The following PXMP4 variants were observed in gnomAD, a reference collection of about 807,000 sequenced individuals.
PXMP4 encodes 24 kDa peroxisomal intrinsic membrane protein.
In PXMP4, 16 loss-of-function variants were observed where a neutral mutation model predicts 21.6. That is an observed-to-expected ratio of 0.74 (90% CI 0.50 to 1.13). The LOEUF is 1.13. Ranked by LOEUF, PXMP4 falls within the 50% of genes most tolerant of loss-of-function variation. The pLI is 0.00. For missense variants in PXMP4, 240 were observed against 277.7 expected, an observed-to-expected ratio of 0.86 and a Z score of 0.96; for synonymous variants, 127 against 123.8, an observed-to-expected ratio of 1.03 and a Z score of -0.17.
At chr20:33,712,272 T>C (rs1055306869) in intron 2 of PXMP4, among the ~76,000 whole-genome samples, 5 of 152,158 alleles carry the variant, frequency 3.3e-5, no homozygotes, top group Admixed American at 1.3e-4. Flanking sequence ...TAACCCTGCC[T>C]TCAAAATGTG....
In PXMP4 at chr20:33,706,515, G is replaced by T. The variant is rs892335719; in HGVS notation, c.*1191C>A. 6.6e-6 allele frequency: 1 copy of T among 152,108 alleles called. No homozygotes were observed. The highest frequency in any genetic ancestry group is 1.5e-5 in the Non-Finnish European group (1 of 68,026). The allele number at this position is 152,108 out of a possible 1,614,324, so 9.4% of individuals were successfully genotyped here. ...AATGAAAGTAATTAGTAGCACATCA[G>T]TGGTAGTTGCACAAGTCCAGTGAGG... On this transcript the variant is annotated 3_prime_UTR_variant, in exon 4 of 4. Transcript: ENST00000409299.
intron 3 of PXMP4, among the ~76,000 whole-genome samples, chr20:33,709,335 T>C (rs567224402): frequency 6.6e-6 from 1 of 152,198 alleles, no homozygotes; most frequent in African/African-American, 2.4e-5. Context: ...GACTAGCTTT[T>C]AGTCTCTTAT....
rs764279084 is a variant in PXMP4 at position 33,710,644 on chromosome 20, G to C, written c.286C>G (p.Gln96Glu). 1.7e-5 allele frequency: 27 copies of C among 1,613,896 alleles called. No individual in the cohort carries two copies. Among genetic ancestry groups the C allele is most frequent in the Non-Finnish European group, 2.1e-5 (25 of 1,179,972 alleles). Residue 96 changes from glutamine (Q) to glutamate (E), a missense_variant, in exon 3 of 4, where the codon CAA becomes GAA. Physicochemically the swap from Gln to Glu is conservative, Grantham distance 29. Transcript: ENST00000409299. ...GCGTGTGCTGGGTAGGTCTTGCCTT[G>C]TATGTAGGACTGCAGGGCACGGAGA... The part of the protein sequence containing the change: ...KGLRALQSYI[Q>E]GKTYPAHAFL...
intron 2 of PXMP4, among the ~76,000 whole-genome samples, chr20:33,712,018 G>A (rs1342484477): frequency 2.0e-5 from 3 of 151,766 alleles, no homozygotes; most frequent in East Asian, 1.9e-4. Context: ...GGGCAGGAAG[G>A]ATAACACAGA....
At chr20:33,720,071 G>T in intron 1 of PXMP4, 24 bp downstream of exon 1, 1 of 1,608,526 alleles carries the variant, frequency 6.2e-7, no homozygotes, top group Non-Finnish European at 8.5e-7. Context: ...CTCAGCCCCA[G>T]CCCGGCCCGA....
chr20:33,716,776 G>A (rs1311049973), intron 1 of PXMP4, among the ~76,000 whole-genome samples: 2 of 152,092 alleles, frequency 1.3e-5, no homozygotes, highest in Admixed American at 6.6e-5. Context: ...ATTTCTAGAA[G>A]GTTCTGTCTT....
intron 2 of PXMP4, among the ~76,000 whole-genome samples, chr20:33,713,510 C>T (rs903774381): frequency 3.9e-5 from 6 of 152,134 alleles, no homozygotes; most frequent in Admixed American, 3.9e-4. Context: ...ACCATAGCAC[C>T]TTCTAACATA....
chr20:33,710,612 C>T lies in PXMP4; in HGVS notation c.318G>A (p.Leu106=). Residue 106 remains leucine (L), a synonymous_variant, in exon 3 of 4, where the codon CTG becomes CTA. Transcript: ENST00000409299. ...CCAGGATACCCCCGAGGAAGGCCGC[C>T]AGGAATGCGTGTGCTGGGTAGGTCT... The part of the protein sequence containing the change: ...QGKTYPAHAF[L]AAFLGGILVF... The T allele has an allele frequency of 6.2e-7, 1 of 1,613,892 alleles. No individual in the cohort carries two copies. Among genetic ancestry groups the T allele is most frequent in the Non-Finnish European group, 8.5e-7 (1 of 1,179,952 alleles).
At position 33,710,768 on chromosome 20, in the gene PXMP4, G is replaced by T; in HGVS notation, c.177-15C>A. On this transcript the variant is annotated splice_polypyrimidine_tract_variant and intron_variant, in intron 2 of 3. Transcript: ENST00000409299. ...TCTCCTGGAGGCTGCACAAACACAG[G>T]TGCCCCTGCCATGAGTGCAGGCTCA... is the stretch of plus-strand genomic sequence containing the variant. 1 of 1,580,686 alleles carries T rather than the reference G, an allele frequency of 6.3e-7. No individual in the cohort carries two copies. The highest frequency in any genetic ancestry group is 8.6e-7 in the Non-Finnish European group (1 of 1,160,892).
At position 33,707,350 on chromosome 20, in the gene PXMP4, CTG is replaced by C. The variant is rs2018268004; in HGVS notation, c.*354_*355del. 4.8e-6 allele frequency: 1 copy of C among 208,104 alleles called. No individual in the cohort carries two copies. Among genetic ancestry groups the C allele is most frequent in the Admixed American group, 5.4e-5 (1 of 18,456 alleles). The allele number at this position is 208,104 out of a possible 1,614,324, so 12.9% of individuals were successfully genotyped here. A position where few individuals can be genotyped will look rare whatever the true frequency, so the allele number is the denominator to read the frequency against. ...CCACTGCCCACCAGCAAGGAGCCCT[CTG>C]TGACATAAGAACAGTTGAAGAATGA... On this transcript the variant is annotated 3_prime_UTR_variant, in exon 4 of 4. Coordinates refer to ENST00000409299, the MANE Select transcript of PXMP4 (RefSeq NM_007238.5).
At chr20:33,720,011 C>T (rs1601211834) in intron 1 of PXMP4, 84 bp downstream of exon 1, 4 of 1,315,154 alleles carry the variant, frequency 3.0e-6, no homozygotes, top group Non-Finnish European at 4.3e-6. Context: ...GCAAACAGCA[C>T]CGCGGCATCG....
intron 1 of PXMP4, among the ~76,000 whole-genome samples, chr20:33,715,264 C>T (rs1254747011): frequency 1.3e-5 from 2 of 152,172 alleles, no homozygotes; most frequent in African/African-American, 4.8e-5. Flanking sequence ...TCTCAGCCTC[C>T]CAAGTAGCTG....
intron 1 of PXMP4, among the ~76,000 whole-genome samples, chr20:33,715,707 G>A (rs1170783386): frequency 6.6e-6 from 1 of 151,992 alleles, no homozygotes; most frequent in Non-Finnish European, 1.5e-5. Context: ...GATTACAGGC[G>A]TGAGCCACTG....
At position 33,720,159 on chromosome 20, in the gene PXMP4, G is replaced by C; in HGVS notation, c.49C>G (p.Leu17Val). The C allele has an allele frequency of 6.2e-7, 1 of 1,613,498 alleles. No homozygotes were observed. The highest frequency in any genetic ancestry group is 8.5e-7 in the Non-Finnish European group (1 of 1,179,904). The change falls in exon 1 of 4, where the codon CTG becomes GTG. Residue 17 changes from leucine to valine, a missense_variant. By Grantham distance (32) the Leu-to-Val change is conservative. Transcript: ENST00000409299. ...GCGTGGTAGCGGCGCTTGCGCAGCA[G>C]TGCGTTGACGACTACGAGCAGAGCC... ...LRALLVVVNA[L>V]LRKRRYHAAL...
chr20:33,707,701 C>G lies in PXMP4; in HGVS notation c.*5G>C. Reference sequence around the variant, plus strand: ...TGAGCCACAGCCAGACACCTCAGGGCTGCATTAATTGGAGGGACGGCTCTT... The same window carrying G: ...TGAGCCACAGCCAGACACCTCAGGGGTGCATTAATTGGAGGGACGGCTCTT... On this transcript the variant is annotated 3_prime_UTR_variant, in exon 4 of 4. Coordinates refer to ENST00000409299, the MANE Select transcript of PXMP4 (RefSeq NM_007238.5). 6.2e-7 allele frequency: 1 copy of G among 1,613,142 alleles called. No individual in the cohort carries two copies. Among genetic ancestry groups the G allele is most frequent in the Non-Finnish European group, 8.5e-7 (1 of 1,179,490 alleles).
chr20:33,714,713 G>C lies in PXMP4; in HGVS notation c.137C>G (p.Pro46Arg), dbSNP rs756634614. ...GAVYGAKIRA[P>R]HALVMTFLFR... Reference sequence around the variant, plus strand: ...GAGAAAGGTCATGACCAGCGCGTGAGGGGCCCGGATTTTGGCTCCATAGCT... The same window carrying C: ...GAGAAAGGTCATGACCAGCGCGTGACGGGCCCGGATTTTGGCTCCATAGCT... Residue 46 changes from proline to arginine, a missense_variant, in exon 2 of 4, where the codon CCT becomes CGT. Coordinates refer to ENST00000409299, the MANE Select transcript of PXMP4 (RefSeq NM_007238.5). The C allele has an allele frequency of 1.2e-6, 2 of 1,614,022 alleles. No homozygotes were observed. Among genetic ancestry groups the C allele is most frequent in the Non-Finnish European group, 1.7e-6 (2 of 1,180,012 alleles).
At position 33,704,696 on chromosome 20, in the gene PXMP4, G is replaced by T. The variant is rs1005445524; in HGVS notation, c.*3010C>A. On this transcript the variant is annotated 3_prime_UTR_variant, in exon 4 of 4. Coordinates refer to ENST00000409299, the MANE Select transcript of PXMP4 (RefSeq NM_007238.5). ...TTTGTCAGATGGGATAATAATGGAC[G>T]GCTCCATATCATTCCCCACCCCCTT... 6.6e-6 allele frequency: 1 copy of T among 152,068 alleles called. No individual in the cohort carries two copies. The highest frequency in any genetic ancestry group is 1.5e-5 in the Non-Finnish European group (1 of 68,030). The allele number at this position is 152,068 out of a possible 1,614,324, so 9.4% of individuals were successfully genotyped here.
intron 1 of PXMP4, among the ~76,000 whole-genome samples, chr20:33,718,104 A>C (rs2018403024): frequency 6.6e-6 from 1 of 152,096 alleles, no homozygotes; most frequent in Admixed American, 6.6e-5. Flanking sequence ...CAAGGTCTAA[A>C]AATCCTGACA....
chr20:33,718,451 C>T (rs1184140890), intron 1 of PXMP4, among the ~76,000 whole-genome samples: 1 of 138,720 alleles, frequency 7.2e-6, no homozygotes, highest in Non-Finnish European at 1.5e-5. Flanking sequence ...ACGGAGCTTG[C>T]AGTGAGCCGA....
Sources: allele counts gnomAD v4.1 joint callset (sites outside exome capture counted in the v4.1 genomes callset), GRCh38; gene constraint gnomAD v4.1.1; transcripts MANE v1.5; gene names NCBI Gene and HGNC (gene_info 2026-07-23, HGNC 2026-07-21).